Variants in LPP observed in about 807,000 individuals in gnomAD.
The protein encoded by LPP is lipoma-preferred partner.
LPP carries 38 observed loss-of-function variants against 60.4 expected under a neutral mutation model. The ratio of observed to expected loss-of-function variants is 0.63; its 90% CI spans 0.49 to 0.83. The LOEUF is 0.83. Among genes scored for constraint, LPP ranks in the 40% least tolerant of loss-of-function variants. LPP has a pLI of 0.00. For synonymous variants in LPP, 328 were observed against 290.8 expected, an observed-to-expected ratio of 1.13 and a Z score of -1.30; for missense variants, 902 against 783.6, an observed-to-expected ratio of 1.15 and a Z score of -1.80.
chr3:188,477,796 A>T (rs1803628036), intron 4 of LPP, among the ~76,000 whole-genome samples: 2 of 152,198 alleles, frequency 1.3e-5, no homozygotes, highest in South Asian at 2.1e-4. Flanking sequence ...TGTTATCAAT[A>T]GTTTGGGACT....
intron 7 of LPP, among the ~76,000 whole-genome samples, chr3:188,689,540 C>T (rs946511678): frequency 1.3e-4 from 20 of 152,170 alleles, no homozygotes; most frequent in African/African-American, 2.4e-5. Flanking sequence ...AGATTCCACA[C>T]TTGAGTGAGA....
intron 1 of LPP, among the ~76,000 whole-genome samples, chr3:188,174,464 G>C (rs745737390): frequency 5.9e-5 from 9 of 152,342 alleles, no homozygotes; most frequent in Admixed American, 1.3e-4. Flanking sequence ...AGGAACGCAC[G>C]CATGAGGCAG....
At chr3:188,481,360 A>G (rs530211287) in intron 4 of LPP, among the ~76,000 whole-genome samples, 8 of 152,362 alleles carry the variant, frequency 5.3e-5, no homozygotes, top group African/African-American at 1.7e-4. Context: ...GGTCTGACTT[A>G]ATAATTGATC....
At chr3:188,487,873 A>G (rs1807051997) in intron 5 of LPP, among the ~76,000 whole-genome samples, 1 of 152,220 alleles carries the variant, frequency 6.6e-6, no homozygotes, top group South Asian at 2.1e-4. Flanking sequence ...CCAGATTTTC[A>G]GGTCAGAGCC....
At chr3:188,334,078 G>A (rs1030558987) in intron 2 of LPP, among the ~76,000 whole-genome samples, 28 of 152,172 alleles carry the variant, frequency 1.8e-4, no homozygotes, top group African/African-American at 6.3e-4. Context: ...CTATGTGATC[G>A]ATTTCTTTCA....
At chr3:188,528,469 T>C (rs11920292) in intron 6 of LPP, among the ~76,000 whole-genome samples, 70,771 of 151,890 alleles carry the variant, frequency 0.47, 17,296 homozygotes, top group East Asian at 0.92. Context: ...TTCTTGAAGG[T>C]TGTGTCTATA....
intron 3 of LPP, among the ~76,000 whole-genome samples, chr3:188,342,919 C>G (rs892552870): frequency 2.0e-5 from 3 of 151,734 alleles, no homozygotes; most frequent in Non-Finnish European, 4.4e-5. Context: ...CTCATTCCTA[C>G]AAAAAAAGAA....
chr3:188,734,312 AT>A (rs572067084), intron 8 of LPP, among the ~76,000 whole-genome samples: 1 of 152,316 alleles, frequency 6.6e-6, no homozygotes, highest in African/African-American at 2.4e-5. Flanking sequence ...AAAAAATGTT[AT>A]TCTATTTTTT....
intron 9 of LPP, among the ~76,000 whole-genome samples, chr3:188,762,654 C>T (rs1732768715): frequency 6.6e-6 from 1 of 152,032 alleles, no homozygotes; most frequent in African/African-American, 2.4e-5. Context: ...CCAGCCCCTT[C>T]TTCTTTGGTT....
rs138963297 is a variant in LPP at position 188,499,814 on chromosome 3, G to A, written c.306+15110G>A. On this transcript the variant is annotated intron_variant, in intron 5 of 11. Coordinates refer to ENST00000617246, the MANE Select transcript of LPP (RefSeq NM_001375462.1). ...ATGTATTCAAGTTTTCATTGTTCAA[G>A]GCTTTTAACTATTTATTCACGTTAA... Among the ~76,000 whole-genome samples, 286 of 151,934 alleles carry A rather than the reference G, an allele frequency of 1.9e-3. 2 individuals carry two copies. Among genetic ancestry groups the A allele is most frequent in the Non-Finnish European group, 2.9e-3 (195 of 67,920 alleles).
intron 2 of LPP, among the ~76,000 whole-genome samples, chr3:188,274,100 CTTCTCT>C (rs1437789042): frequency 2.0e-5 from 3 of 152,104 alleles, no homozygotes. Context: ...TCTTTTCTCT[CTTCTCT>C]TTATCAGTGA....
intron 6 of LPP, among the ~76,000 whole-genome samples, chr3:188,608,488 C>T (rs575179395): frequency 2.4e-4 from 33 of 134,916 alleles, no homozygotes; most frequent in African/African-American, 5.6e-4. Flanking sequence ...ACTGTATACA[C>T]GTGGATATAT....
At chr3:188,451,060 GT>G (rs531530053) in intron 4 of LPP, among the ~76,000 whole-genome samples, 49 of 151,030 alleles carry the variant, frequency 3.2e-4, no homozygotes, top group Admixed American at 6.6e-4. Context: ...TTTTGTTTTT[GT>G]TTTTTTTTAA....
chr3:188,631,480 T>C (rs998131904), intron 7 of LPP, among the ~76,000 whole-genome samples: 2 of 152,210 alleles, frequency 1.3e-5, no homozygotes, highest in Non-Finnish European at 2.9e-5. Context: ...GCCGTGCATT[T>C]ATAATTGTGT....
intron 6 of LPP, among the ~76,000 whole-genome samples, chr3:188,600,882 G>T (rs985978471): frequency 1.3e-5 from 2 of 151,720 alleles, no homozygotes; most frequent in Non-Finnish European, 2.9e-5. Flanking sequence ...CTTCATCTAT[G>T]TTGTAGCATG....
At position 188,326,763 on chromosome 3, in the gene LPP, A is replaced by C. The variant is rs150389621; in HGVS notation, c.-66-14900A>C. ...GTAGGTATGTACCTGTCTGTTCTTCAGAATTATATTTCTAATTTAAAATTA... is the reference window on the plus strand; with the variant it reads ...GTAGGTATGTACCTGTCTGTTCTTCCGAATTATATTTCTAATTTAAAATTA... On this transcript the variant is annotated intron_variant, in intron 2 of 11. Transcript: ENST00000617246. Among the ~76,000 whole-genome samples the C allele has an allele frequency of 2.7e-3, 417 of 152,304 alleles. 3 individuals carry two copies. Among genetic ancestry groups the C allele is most frequent in the South Asian group, 0.025 (121 of 4,830 alleles).
intron 6 of LPP, among the ~76,000 whole-genome samples, chr3:188,571,437 A>AT (rs1425957432): frequency 6.6e-6 from 1 of 151,990 alleles, no homozygotes; most frequent in Non-Finnish European, 1.5e-5. Flanking sequence ...ACAAAAAAAA[A>AT]AGAACCCCTG....
chr3:188,445,602 C>T (rs922955960), intron 4 of LPP, among the ~76,000 whole-genome samples: 7 of 151,376 alleles, frequency 4.6e-5, no homozygotes, highest in East Asian at 1.9e-4. Flanking sequence ...CAAACCTGCA[C>T]GTTCTGCACA....
intron 3 of LPP, among the ~76,000 whole-genome samples, chr3:188,373,334 G>A (rs1200719968): frequency 6.6e-6 from 1 of 152,184 alleles, no homozygotes; most frequent in East Asian, 1.9e-4. Flanking sequence ...AAGTGTAAAA[G>A]TGTTCCTATT....
Sources: gnomAD v4.1 joint callset for allele counts (sites outside exome capture counted in the v4.1 genomes callset) on GRCh38, gnomAD v4.1.1 for gene constraint, MANE v1.5 for transcripts, NCBI Gene and HGNC (gene_info 2026-07-23, HGNC 2026-07-21) for gene names.